PIGQ: variants seen among roughly 807,000 people sequenced by gnomAD.
The protein encoded by PIGQ is phosphatidylinositol N-acetylglucosaminyltransferase subunit Q.
A neutral mutation model predicts 60.3 loss-of-function variants in PIGQ; 54 were observed. The ratio of observed to expected loss-of-function variants is 0.90; its 90% CI spans 0.72 to 1.12. PIGQ has a LOEUF of 1.12. PIGQ is among the 50% of genes most tolerant of loss of function. PIGQ has a pLI of 0.00. For synonymous variants in PIGQ, 416 were observed against 363.7 expected (o/e 1.14, Z -1.64); for missense variants, 799 against 793.5 (o/e 1.01, Z -0.08).
intron 1 of PIGQ, among the ~76,000 whole-genome samples, chr16:572,253 C>T (rs2035642814): frequency 6.6e-6 from 1 of 152,196 alleles, no homozygotes; most frequent in Non-Finnish European, 1.5e-5. Context: ...GTCCTTGGTG[C>T]CTCACGTCAG....
chr16:578,869 T>C lies in PIGQ; in HGVS notation c.1154T>C (p.Leu385Pro), dbSNP rs2035764214. Residue 385 changes from leucine to proline, a missense_variant, in exon 6 of 11, where the codon CTG becomes CCG. Physicochemically the swap from Leu to Pro is moderately conservative, Grantham distance 98 (BLOSUM62 -3). Coordinates refer to ENST00000321878, the MANE Select transcript of PIGQ (RefSeq NM_004204.5). ...GCCTGCCTGGGCCTGACGGTGGCCC[T>C]GTCCCTCCTCTCGGACATTATCGCC... is the stretch of plus-strand genomic sequence containing the variant. ...LSACLGLTVA[L>P]SLLSDIIALL... is the part of the protein sequence containing the mutation. The C allele has an allele frequency of 5.6e-6, 9 of 1,613,686 alleles. No homozygotes were observed. The East Asian group carries it at 8.9e-5, about 16-fold the overall frequency.
intron 4 of PIGQ, among the ~76,000 whole-genome samples, chr16:577,392 AC>A (rs2035736908): frequency 6.6e-6 from 1 of 151,610 alleles, no homozygotes; most frequent in Non-Finnish European, 1.5e-5. Flanking sequence ...CCTGGCTAAC[AC>A]AGTGAAATCC....
intron 1 of PIGQ, among the ~76,000 whole-genome samples, chr16:571,570 C>G (rs1596380805): frequency 5.6e-5 from 2 of 35,822 alleles, no homozygotes; most frequent in Non-Finnish European, 9.4e-5. Context: ...AGCCTGGTGC[C>G]CGTGTGTGTG....
At chr16:571,818 A>G (rs1049393431) in intron 1 of PIGQ, among the ~76,000 whole-genome samples, 29 of 151,766 alleles carry the variant, frequency 1.9e-4, no homozygotes, top group African/African-American at 6.8e-4. Flanking sequence ...GCCCCACAGT[A>G]CGTTGAGTTT....
chr16:578,921 T>C lies in PIGQ; in HGVS notation c.1206T>C (p.Phe402=), dbSNP rs2151047413. 6.2e-7 allele frequency: 1 copy of C among 1,612,402 alleles called. No individual in the cohort carries two copies. Among genetic ancestry groups the C allele is most frequent in the South Asian group, 1.1e-5 (1 of 91,076 alleles). The part of the protein sequence containing the change: ...IALLTFHIYC[F]YVYGARLYCL... ...TCCTCACCTTCCACATCTACTGCTTTTACGTCTATGGAGCCAGGTGGGCGT... is the reference window on the plus strand; with the variant it reads ...TCCTCACCTTCCACATCTACTGCTTCTACGTCTATGGAGCCAGGTGGGCGT... Residue 402 remains phenylalanine, a synonymous_variant, in exon 6 of 11, where the codon TTT becomes TTC. Transcript: ENST00000321878.
intron 6 of PIGQ, 64 bp from the exon 7 acceptor site, chr16:579,005 T>TTA: frequency 7.5e-7 from 1 of 1,326,494 alleles, no homozygotes; most frequent in Admixed American, 2.2e-5. Context: ...GGGCGGGCGT[T>TTA]CGAGTGGGGC....
chr16:582,131 G>T, intron 9 of PIGQ, 117 bp from the exon 10 acceptor site: 1 of 770,228 alleles, frequency 1.3e-6, no homozygotes. Context: ...AGCTTCGTGG[G>T]TGGCCACGGC....
Position 581,398 on chromosome 16 carries a change from G to A in PIGQ, c.1531+426G>A, listed in dbSNP as rs55805384. The stretch of plus-strand genomic sequence containing the variant: ...CCGTCCACTCAACAGCACAGCCTGC[G>A]CCCGTCCCTCACTGGGGCTCTTCCC... On this transcript the variant is annotated intron_variant, in intron 9 of 10. Coordinates refer to ENST00000321878, the MANE Select transcript of PIGQ (RefSeq NM_004204.5). 12,749 of 1,089,152 alleles carry A rather than the reference G, an allele frequency of 0.012. 809 individuals carry two copies. In the African/African-American group the frequency reaches 0.16, roughly 14 times the overall value. 67.5% of individuals were successfully genotyped at this position (1,089,152 alleles called of 1,614,324 possible).
intron 2 of PIGQ, among the ~76,000 whole-genome samples, chr16:575,248 C>T (rs1156364649): frequency 6.6e-6 from 1 of 152,224 alleles, no homozygotes; most frequent in Non-Finnish European, 1.5e-5. Context: ...GGCCCTGCTT[C>T]TCTCCACAAT....
At chr16:577,003 T>G (rs2035728430) in intron 4 of PIGQ, 1 of 152,568 alleles carries the variant, frequency 6.6e-6, no homozygotes, top group South Asian at 2.1e-4. Context: ...GCACTGGGCC[T>G]GCTTGTGGCC....
intron 1 of PIGQ, among the ~76,000 whole-genome samples, chr16:572,179 G>T (rs551508057): frequency 6.6e-6 from 1 of 152,320 alleles, no homozygotes; most frequent in South Asian, 2.1e-4. Context: ...GGTCCCCTAT[G>T]GTGGTCACAC....
intron 1 of PIGQ, among the ~76,000 whole-genome samples, chr16:571,643 G>A (rs1289353486): frequency 6.8e-6 from 1 of 147,258 alleles, no homozygotes; most frequent in Non-Finnish European, 1.5e-5. Context: ...TGTTTCCTCA[G>A]TCTTTAAAGA....
rs1295510601 is a variant in PIGQ at position 583,837 on chromosome 16, C to A, written c.*802C>A. 10 of 667,214 alleles carry A rather than the reference C, an allele frequency of 1.5e-5. No individual in the cohort carries two copies. The highest frequency in any genetic ancestry group is 2.7e-5 in the Non-Finnish European group (10 of 376,140). The allele number at this position is 667,214 out of a possible 1,614,324, so 41.3% of individuals were successfully genotyped here. A position where few individuals can be genotyped will look rare whatever the true frequency, so the allele number is the denominator to read the frequency against. On this transcript the variant is annotated 3_prime_UTR_variant, in exon 11 of 11. Transcript: ENST00000321878. ...TGCTGTGCAGACACCTCTGTGGCCCCCCAGGAGTGTGAGTGGCCTGGGGAG... is the reference window on the plus strand; with the variant it reads ...TGCTGTGCAGACACCTCTGTGGCCCACCAGGAGTGTGAGTGGCCTGGGGAG...
rs775456149 is a variant in PIGQ, at chr16:574,586, G to T, written c.512G>T (p.Arg171Leu). 3.1e-6 allele frequency: 5 copies of T among 1,604,188 alleles called. No individual in the cohort carries two copies. The highest frequency in any genetic ancestry group is 8.5e-7 in the Non-Finnish European group (1 of 1,176,320). Residue 171 changes from arginine (R) to leucine (L), a missense_variant, in exon 2 of 11, where the codon CGC (arginine) becomes CTC (leucine). Arg to Leu is a moderately radical substitution (Grantham distance 102). Transcript: ENST00000321878. ...GCTGCCGTCTTCGACACGGTAGCAC[G>T]CAGTGAGGTGCTCTTCCGCAGTGAC... Reference protein sequence around the residue: ...GLAAVFDTVARSEVLFRSDRF... With the variant: ...GLAAVFDTVALSEVLFRSDRF...
intron 4 of PIGQ, chr16:576,609 G>A (rs761296168): frequency 3.3e-5 from 16 of 481,720 alleles, no homozygotes; most frequent in Non-Finnish European, 5.8e-5. Flanking sequence ...CCTCTGCAGA[G>A]CCAGGGTCAT....
chr16:575,740 C>G (rs973305817), intron 2 of PIGQ, 99 bp from the exon 3 acceptor site: 7 of 1,319,878 alleles, frequency 5.3e-6, no homozygotes, highest in African/African-American at 2.9e-5. Flanking sequence ...CTGCTGAGCT[C>G]AGGAGTGTGG....
chr16:580,212 C>G lies in PIGQ; in HGVS notation c.1365C>G (p.Ile455Met). 1 of 1,613,036 alleles carries G rather than the reference C, an allele frequency of 6.2e-7. No homozygotes were observed. The highest frequency in any genetic ancestry group is 8.5e-7 in the Non-Finnish European group (1 of 1,179,452). The change falls in exon 8 of 11, where the codon ATC (isoleucine) becomes ATG (methionine). Residue 455 changes from isoleucine to methionine, a missense_variant. Physicochemically the swap from Ile to Met is conservative, Grantham distance 10 (BLOSUM62 1). Transcript: ENST00000321878. ...QLFIGTLLFTILLFLLPTTAL... is the reference protein window; with the variant it reads ...QLFIGTLLFTMLLFLLPTTAL... ...TCATCGGGACTCTGCTCTTCACCATCCTGCTCTTCCTCCTGCCTACCACAG... is the reference window on the plus strand; with the variant it reads ...TCATCGGGACTCTGCTCTTCACCATGCTGCTCTTCCTCCTGCCTACCACAG...
In PIGQ at chr16:578,450, T is replaced by C; in HGVS notation, c.1014T>C (p.Arg338=). ...CTCCCGCCGGGCTCAAGATGAACCG[T>C]GCACTGGACCAGGTGCTGGGCCGCT... ...MGAPAGLKMN[R]ALDQVLGRFF... The change falls in exon 5 of 11, where the codon CGT becomes CGC. Residue 338 remains arginine, a synonymous_variant. Coordinates refer to ENST00000321878, the MANE Select transcript of PIGQ (RefSeq NM_004204.5). 1 of 1,612,726 alleles carries C rather than the reference T, an allele frequency of 6.2e-7. No individual in the cohort carries two copies. The highest frequency in any genetic ancestry group is 8.5e-7 in the Non-Finnish European group (1 of 1,179,880).
At position 578,134 on chromosome 16, in the gene PIGQ, G is replaced by A. The variant is rs996128240; in HGVS notation, c.943-245G>A. 151 of 462,436 alleles carry A rather than the reference G, an allele frequency of 3.3e-4. 1 individual carries two copies. Among genetic ancestry groups the A allele is most frequent in the African/African-American group, 7.9e-5 (4 of 50,334 alleles). 28.6% of individuals were successfully genotyped at this position (462,436 alleles called of 1,614,324 possible). ...GGTGGGTGCAGGCAGGGGGCCACGC[G>A]GATGCCCTGTGGGCCCGGCCATGTC... On this transcript the variant is annotated intron_variant, in intron 4 of 10. Coordinates refer to ENST00000321878, the MANE Select transcript of PIGQ (RefSeq NM_004204.5).
Sources: allele counts gnomAD v4.1 joint callset (sites outside exome capture counted in the v4.1 genomes callset), GRCh38; gene constraint gnomAD v4.1.1; transcripts MANE v1.5; gene names NCBI Gene and HGNC (gene_info 2026-07-23, HGNC 2026-07-21).